CTDSPL: variants seen among roughly 807,000 people sequenced by gnomAD.
CTDSPL encodes CTD small phosphatase-like protein.
A neutral mutation model predicts 30.5 loss-of-function variants in CTDSPL; 8 were observed. That is an observed-to-expected ratio of 0.26 (90% CI 0.15 to 0.47). The LOEUF (loss-of-function observed/expected upper bound fraction) is 0.47. Among genes scored for constraint, CTDSPL ranks in the 20% least tolerant of loss-of-function variants. The probability of loss-of-function intolerance (pLI) is 0.99; values close to 1 mark genes in which losing one functional copy is unlikely to be tolerated. For synonymous variants in CTDSPL, 110 were observed against 137.9 expected (o/e 0.80, Z 1.42); for missense variants, 248 against 366.1 (o/e 0.68, Z 2.63).
chr3:37,961,234 T>C (rs1056272164), intron 3 of CTDSPL, among the ~76,000 whole-genome samples: 11 of 152,206 alleles, frequency 7.2e-5, no homozygotes, highest in African/African-American at 2.7e-4. Context: ...TTACCATTAG[T>C]ATCGTTCATC....
intron 3 of CTDSPL, among the ~76,000 whole-genome samples, chr3:37,961,979 G>A (rs1163915814): frequency 3.9e-5 from 6 of 152,296 alleles, no homozygotes; most frequent in Non-Finnish European, 5.9e-5. Flanking sequence ...TTCCCAAACC[G>A]TGGATGGCAA....
chr3:37,942,992 G>C (rs1285249387), intron 1 of CTDSPL, among the ~76,000 whole-genome samples: 1 of 150,406 alleles, frequency 6.6e-6, no homozygotes, highest in African/African-American at 2.4e-5. Flanking sequence ...GCCAGGATAG[G>C]GCAGGGACAA....
chr3:37,916,827 C>T (rs1036329545), intron 1 of CTDSPL, among the ~76,000 whole-genome samples: 1 of 152,158 alleles, frequency 6.6e-6, no homozygotes, highest in Non-Finnish European at 1.5e-5. Flanking sequence ...GTTTGTTCTG[C>T]ACAACCCTCC....
intron 1 of CTDSPL, among the ~76,000 whole-genome samples, chr3:37,868,605 G>T (rs1194729416): frequency 2.6e-5 from 4 of 151,940 alleles, no homozygotes; most frequent in Non-Finnish European, 5.9e-5. Flanking sequence ...ACTTTGGTTT[G>T]GTTTTTTGTC....
chr3:37,964,710 AT>A, intron 4 of CTDSPL, 38 bp downstream of exon 4: 2 of 1,465,772 alleles, frequency 1.4e-6, no homozygotes, highest in South Asian at 1.1e-5. Context: ...GATCTTTGTG[AT>A]TTGATAACAA....
At chr3:37,873,431 G>A (rs9877943) in intron 1 of CTDSPL, among the ~76,000 whole-genome samples, 44,557 of 151,998 alleles carry the variant, frequency 0.29, 8,284 homozygotes, top group African/African-American at 0.52. Flanking sequence ...CAAGTCTAGG[G>A]TCTGTCTACC....
At chr3:37,918,810 G>C (rs10461007) in intron 1 of CTDSPL, among the ~76,000 whole-genome samples, 4,116 of 152,180 alleles carry the variant, frequency 0.027, 89 homozygotes, top group East Asian at 0.11. Flanking sequence ...CATTCAAACT[G>C]TATGTGATCT....
chr3:37,942,804 G>A (rs1698993102), intron 1 of CTDSPL, among the ~76,000 whole-genome samples: 1 of 150,490 alleles, frequency 6.6e-6, no homozygotes, highest in Non-Finnish European at 1.5e-5. Context: ...CCCAGGTCCT[G>A]TACTGTTGCT....
intron 1 of CTDSPL, among the ~76,000 whole-genome samples, chr3:37,927,895 G>A (rs1698804036): frequency 1.3e-5 from 2 of 151,818 alleles, no homozygotes; most frequent in Admixed American, 1.3e-4. Context: ...TTATGCTTCT[G>A]TGAGTTTGCC....
chr3:37,916,316 T>C (rs1429668265), intron 1 of CTDSPL, among the ~76,000 whole-genome samples: 1 of 151,984 alleles, frequency 6.6e-6, no homozygotes, highest in African/African-American at 2.4e-5. Context: ...ATTTCAGGTG[T>C]TTTTTTTACT....
At chr3:37,969,557 C>T in intron 5 of CTDSPL, 1 of 388,802 alleles carries the variant, frequency 2.6e-6, no homozygotes, top group South Asian at 2.0e-5. Context: ...ACAAATCAGT[C>T]TCCTGCCCTT....
At chr3:37,969,286 C>T in intron 5 of CTDSPL, 1 of 456,168 alleles carries the variant, frequency 2.2e-6, no homozygotes, top group Non-Finnish European at 4.5e-6. Flanking sequence ...CTCCCCCACC[C>T]TCCATCCTGG....
intron 1 of CTDSPL, among the ~76,000 whole-genome samples, chr3:37,898,649 A>T (rs1341142554): frequency 6.6e-6 from 1 of 152,162 alleles, no homozygotes; most frequent in Non-Finnish European, 1.5e-5. Flanking sequence ...CACTCAGCAG[A>T]TATTTACTGA....
chr3:37,974,994 G>A (rs1215527995), intron 6 of CTDSPL, among the ~76,000 whole-genome samples: 1 of 152,176 alleles, frequency 6.6e-6, no homozygotes, highest in Non-Finnish European at 1.5e-5. Context: ...AGGAAATCAA[G>A]CAATCCCACA....
chr3:37,921,607 CCACACACACACACACACA>C (rs58395906), intron 1 of CTDSPL, among the ~76,000 whole-genome samples: 6 of 147,638 alleles, frequency 4.1e-5, no homozygotes, highest in Admixed American at 1.3e-4. Flanking sequence ...ACCCTAACTA[CCACACACACACACACACA>C]CACACACACA....
At chr3:37,865,618 C>T (rs991673738) in intron 1 of CTDSPL, among the ~76,000 whole-genome samples, 13 of 152,142 alleles carry the variant, frequency 8.5e-5, no homozygotes, top group African/African-American at 3.1e-4. Flanking sequence ...ACATAATAAG[C>T]TGTCTGAGGT....
intron 5 of CTDSPL, chr3:37,968,306 C>G (rs1173328588): frequency 2.2e-6 from 1 of 450,022 alleles, no homozygotes; most frequent in Middle Eastern, 3.3e-4. Flanking sequence ...CCAGACTGAT[C>G]TTATCATTCC....
rs188405498 is a variant in CTDSPL at position 37,935,005 on chromosome 3, T to C, written c.80-12052T>C. On this transcript the variant is annotated intron_variant, in intron 1 of 7. Coordinates refer to ENST00000273179, the MANE Select transcript of CTDSPL (RefSeq NM_001008392.2). ...TACCGACTTACAGACATAGGGTATGTGTGCATGTGCCTGAGATGCTTCATC... is the reference window on the plus strand; with the variant it reads ...TACCGACTTACAGACATAGGGTATGCGTGCATGTGCCTGAGATGCTTCATC... 1.8e-3 allele frequency among the ~76,000 whole-genome samples: 271 copies of C among 152,330 alleles called. 2 individuals carry two copies. Among genetic ancestry groups the C allele is most frequent in the Non-Finnish European group, 2.3e-3 (154 of 68,036 alleles).
chr3:37,912,811 G>C (rs948040288), intron 1 of CTDSPL, among the ~76,000 whole-genome samples: 2 of 152,158 alleles, frequency 1.3e-5, no homozygotes, highest in Non-Finnish European at 2.9e-5. Flanking sequence ...CTGTCATCCT[G>C]TCTTCTCATC....
Sources: allele counts gnomAD v4.1 joint callset (sites outside exome capture counted in the v4.1 genomes callset), GRCh38; gene constraint gnomAD v4.1.1; transcripts MANE v1.5; gene names NCBI Gene and HGNC (gene_info 2026-07-23, HGNC 2026-07-21).